Variants in AUTS2 observed in about 807,000 individuals in gnomAD.
The protein encoded by AUTS2 is autism susceptibility gene 2 protein.
Under a neutral mutation model 112.4 loss-of-function variants are expected in AUTS2, and 17 were observed. The ratio of observed to expected loss-of-function variants is 0.15; its 90% confidence interval spans 0.10 to 0.23. The LOEUF (loss-of-function observed/expected upper bound fraction) is 0.23. Ranked by LOEUF, AUTS2 falls within the 10% of genes least tolerant of loss-of-function variation. The pLI is 1.00. For synonymous variants in AUTS2, 751 were observed against 702.7 expected, an observed-to-expected ratio of 1.07 and a Z score of -1.09; for missense variants, 1,510 against 1,701.6, an observed-to-expected ratio of 0.89 and a Z score of 1.98.
rs1027521324 is a variant in AUTS2 at position 70,173,633 on chromosome 7, A to G, written c.660+39062A>G. 5.9e-5 allele frequency among the ~76,000 whole-genome samples: 9 copies of G among 152,120 alleles called. 1 individual carries two copies. The highest frequency in any genetic ancestry group is 1.5e-5 in the Non-Finnish European group (1 of 68,028). On this transcript the variant is annotated intron_variant, in intron 4 of 18. Coordinates refer to ENST00000342771, the MANE Select transcript of AUTS2 (RefSeq NM_015570.4). ...TTTTTACAAATTAAAGTTTTGTGTA[A>G]ACCTTACATCAAGCAAGTCTGTCAG...
chr7:70,516,560 G>A (rs1799426083), intron 5 of AUTS2, among the ~76,000 whole-genome samples: 1 of 152,094 alleles, frequency 6.6e-6, no homozygotes, highest in Non-Finnish European at 1.5e-5. Flanking sequence ...GTATCACCTT[G>A]GGTTCTTCGT....
chr7:70,599,440 A>G (rs1005141906), intron 5 of AUTS2, among the ~76,000 whole-genome samples: 12 of 152,206 alleles, frequency 7.9e-5, no homozygotes, highest in African/African-American at 9.6e-5. Context: ...GAGGTCATCT[A>G]GGCCCTCACT....
chr7:70,167,000 T>C (rs1032281459), intron 4 of AUTS2, among the ~76,000 whole-genome samples: 1 of 152,178 alleles, frequency 6.6e-6, no homozygotes, highest in Non-Finnish European at 1.5e-5. Flanking sequence ...AGAAGTCGGC[T>C]GGATCACTTG....
intron 5 of AUTS2, among the ~76,000 whole-genome samples, chr7:70,671,664 C>A (rs182368976): frequency 1.4e-4 from 22 of 152,240 alleles, no homozygotes; most frequent in East Asian, 5.8e-4. Context: ...AATAACCCCC[C>A]CTATGAATGA....
chr7:69,621,288 A>G (rs1443945703), intron 1 of AUTS2, among the ~76,000 whole-genome samples: 1 of 152,148 alleles, frequency 6.6e-6, no homozygotes, highest in Non-Finnish European at 1.5e-5. Context: ...TTGAACCACT[A>G]CATAAGGGAA....
Position 70,399,517 on chromosome 7 carries a change from T to G in AUTS2, c.661-36235T>G, listed in dbSNP as rs182334589. 3.0e-3 allele frequency among the ~76,000 whole-genome samples: 457 copies of G among 152,278 alleles called. 1 individual carries two copies. The highest frequency in any genetic ancestry group is 0.01 in the African/African-American group (428 of 41,568). On this transcript the variant is annotated intron_variant, in intron 4 of 18. Transcript: ENST00000342771. ...AGGCAGATCTTGGACACTTGTCAAG[T>G]TTTCAAGTCCTCTAGGTTTAAGATT... is the stretch of plus-strand genomic sequence containing the variant.
At position 70,659,528 on chromosome 7, in the gene AUTS2, C is replaced by T. The variant is rs549703046; in HGVS notation, c.691-39041C>T. 1.8e-4 allele frequency among the ~76,000 whole-genome samples: 27 copies of T among 152,264 alleles called. 1 individual carries two copies. The South Asian group carries it at 5.6e-3, about 32-fold the overall frequency. On this transcript the variant is annotated intron_variant, in intron 5 of 18. Transcript: ENST00000342771. ...GGGCATGTTAACTGAGCTCAGCTTC[C>T]TTGTTTGTAACATAGGGGAATCACT...
chr7:70,081,838 T>G (rs1169765054), intron 2 of AUTS2, among the ~76,000 whole-genome samples: 3 of 152,192 alleles, frequency 2.0e-5, no homozygotes, highest in African/African-American at 7.2e-5. Context: ...ATCAGAATTT[T>G]GTTAGTGGAA....
At chr7:70,343,335 T>C (rs1791356270) in intron 4 of AUTS2, among the ~76,000 whole-genome samples, 1 of 152,222 alleles carries the variant, frequency 6.6e-6, no homozygotes, top group Admixed American at 6.5e-5. Context: ...TGCTTTGAAC[T>C]CTGGAATTAA....
At chr7:69,695,484 T>C (rs1562817121) in intron 1 of AUTS2, among the ~76,000 whole-genome samples, 1 of 152,110 alleles carries the variant, frequency 6.6e-6, no homozygotes, top group East Asian at 1.9e-4. Flanking sequence ...GTTTGAAAAA[T>C]TGTAGTCAGA....
intron 4 of AUTS2, among the ~76,000 whole-genome samples, chr7:70,425,545 A>G (rs1795397421): frequency 6.6e-6 from 1 of 152,204 alleles, no homozygotes; most frequent in East Asian, 1.9e-4. Context: ...GAATGAGTGG[A>G]AGGAGGGAGG....
intron 2 of AUTS2, among the ~76,000 whole-genome samples, chr7:69,930,835 C>T (rs1391000457): frequency 6.6e-6 from 1 of 152,044 alleles, no homozygotes; most frequent in Non-Finnish European, 1.5e-5. Flanking sequence ...TCATTATTAA[C>T]TTACACTAAA....
rs1268487504 is a variant in AUTS2 at position 70,337,789 on chromosome 7, T to C, written c.661-97963T>C. ...GCATGTTAACATGTGTGTTCACAGT[T>C]GGGACACCAGCAGATCTGTTGTCTA... On this transcript the variant is annotated intron_variant, in intron 4 of 18. Transcript: ENST00000342771. Among the ~76,000 whole-genome samples the C allele has an allele frequency of 2.0e-5, 3 of 152,232 alleles. No homozygotes were observed. In the East Asian group the frequency reaches 5.8e-4, roughly 29 times the overall value.
At chr7:70,553,862 G>C (rs1481320602) in intron 5 of AUTS2, among the ~76,000 whole-genome samples, 1 of 145,828 alleles carries the variant, frequency 6.9e-6, no homozygotes, top group African/African-American at 2.6e-5. Flanking sequence ...CGCCTCCCGG[G>C]TTGAAGCAAT....
chr7:69,702,339 T>C (rs771248507), intron 1 of AUTS2, among the ~76,000 whole-genome samples: 1 of 152,022 alleles, frequency 6.6e-6, no homozygotes, highest in East Asian at 1.9e-4. Context: ...GTTCTGGTTG[T>C]GCAAGGATAA....
At chr7:70,099,498 A>ATT (rs202246440) in intron 2 of AUTS2, among the ~76,000 whole-genome samples, 2 of 138,782 alleles carry the variant, frequency 1.4e-5, no homozygotes, top group African/African-American at 2.6e-5. Flanking sequence ...GACTCAGGGG[A>ATT]TTTTTTTTTT....
At chr7:70,363,744 T>C (rs1374813827) in intron 4 of AUTS2, among the ~76,000 whole-genome samples, 3 of 152,186 alleles carry the variant, frequency 2.0e-5, no homozygotes, top group East Asian at 3.8e-4. Flanking sequence ...AATTCTGTAA[T>C]TTAAAAAATC....
intron 2 of AUTS2, among the ~76,000 whole-genome samples, chr7:69,938,912 A>G (rs1049241691): frequency 6.6e-6 from 1 of 152,192 alleles, no homozygotes; most frequent in Non-Finnish European, 1.5e-5. Context: ...ACTTGGGAAG[A>G]TGTATTGGAG....
chr7:69,812,395 C>T (rs1303126570), intron 1 of AUTS2, among the ~76,000 whole-genome samples: 3 of 152,106 alleles, frequency 2.0e-5, no homozygotes, highest in Non-Finnish European at 2.9e-5. Flanking sequence ...GGGTTCTTCC[C>T]AGCTCCTACC....
Sources: gnomAD v4.1 joint callset for allele counts (sites outside exome capture counted in the v4.1 genomes callset) on GRCh38, gnomAD v4.1.1 for gene constraint, MANE v1.5 for transcripts, NCBI Gene and HGNC (gene_info 2026-07-23, HGNC 2026-07-21) for gene names.